Variants in DOCK2 observed in about 807,000 individuals in gnomAD.
The protein encoded by DOCK2 is dedicator of cytokinesis protein 2.
DOCK2 carries 87 observed loss-of-function variants against 248.9 expected under a neutral mutation model. The observed-to-expected ratio is 0.35, with a 90% CI of 0.29 to 0.42. The LOEUF (loss-of-function observed/expected upper bound fraction) is 0.42, where lower values mean the gene tolerates loss of function less well. Among genes scored for constraint, DOCK2 ranks in the 10% least tolerant of loss-of-function variants. The pLI is 1.00. For missense variants in DOCK2, 1,747 were observed against 2,300.2 expected (o/e 0.76, Z 4.92); for synonymous variants, 805 against 821.6 (o/e 0.98, Z 0.35).
At chr5:169,697,657 A>C (rs1357555459) in intron 10 of DOCK2, among the ~76,000 whole-genome samples, 1 of 152,072 alleles carries the variant, frequency 6.6e-6, no homozygotes, top group East Asian at 1.9e-4. Flanking sequence ...CTCTATCTAG[A>C]TGCAGTCAGT....
chr5:169,841,112 C>G (rs920247174), intron 27 of DOCK2, among the ~76,000 whole-genome samples: 2 of 152,156 alleles, frequency 1.3e-5, no homozygotes, highest in African/African-American at 4.8e-5. Flanking sequence ...ACTATCACTG[C>G]TGAAGACAGA....
intron 25 of DOCK2, among the ~76,000 whole-genome samples, chr5:169,793,052 T>C (rs1428139977): frequency 6.6e-6 from 1 of 152,188 alleles, no homozygotes; most frequent in Non-Finnish European, 1.5e-5. Context: ...TGATAGGCTA[T>C]CTCAGTGGCC....
intron 2 of DOCK2, among the ~76,000 whole-genome samples, chr5:169,656,040 G>A (rs1736886081): frequency 6.6e-6 from 1 of 152,212 alleles, no homozygotes; most frequent in Non-Finnish European, 1.5e-5. Flanking sequence ...TGGAGACGCT[G>A]TCCTAGAGAA....
chr5:169,910,530 C>G (rs1282004438), intron 27 of DOCK2, among the ~76,000 whole-genome samples: 2 of 151,640 alleles, frequency 1.3e-5, no homozygotes, highest in African/African-American at 4.8e-5. Flanking sequence ...CATGACTGAC[C>G]TGTTTTCAGC....
chr5:170,022,918 A>C (rs1755779012), intron 33 of DOCK2, among the ~76,000 whole-genome samples: 1 of 152,204 alleles, frequency 6.6e-6, no homozygotes, highest in Non-Finnish European at 1.5e-5. Context: ...CCACATCGGC[A>C]CAGGGAGGTG....
At chr5:169,929,328 A>G (rs541779210) in intron 27 of DOCK2, among the ~76,000 whole-genome samples, 31 of 152,184 alleles carry the variant, frequency 2.0e-4, no homozygotes, top group Non-Finnish European at 3.7e-4. Context: ...CACATGGGTA[A>G]GACTCAGACA....
intron 25 of DOCK2, among the ~76,000 whole-genome samples, chr5:169,772,707 A>G (rs1358168822): frequency 6.6e-6 from 1 of 152,226 alleles, no homozygotes; most frequent in African/African-American, 2.4e-5. Context: ...TCTTTTTCAC[A>G]TAATACCATT....
At chr5:170,062,128 T>TGTGTGTGTGTGTGA (rs778077276) in intron 44 of DOCK2, among the ~76,000 whole-genome samples, 31 of 137,908 alleles carry the variant, frequency 2.2e-4, no homozygotes, top group African/African-American at 8.7e-4. Flanking sequence ...TGTGTGTGTG[T>TGTGTGTGTGTGTGA]GAGAGAGAGA....
chr5:170,025,816 C>CTTCCTTCCTTCT lies in DOCK2; in HGVS notation c.3382-2036_3382-2035insTTTCCTTCCTTC, dbSNP rs1203655309. Among the ~76,000 whole-genome samples the CTTCCTTCCTTCT allele has an allele frequency of 7.9e-3, 820 of 103,826 alleles. 3 individuals are homozygous for CTTCCTTCCTTCT. The highest frequency in any genetic ancestry group is 0.044 in the Middle Eastern group (10 of 228). 68.1% of individuals were successfully genotyped at this position (103,826 alleles called of 152,430 possible). The stretch of plus-strand genomic sequence containing the variant: ...CCTTCCTTCCTTCCTTCCTTCCTTC[C>CTTCCTTCCTTCT]TTCCTTCCTTCCTTCCTTCCTTCCT... On this transcript the variant is annotated intron_variant, in intron 33 of 51. Coordinates refer to ENST00000520908, the MANE Select transcript of DOCK2 (RefSeq NM_004946.3).
chr5:169,963,665 C>T (rs889427404), intron 27 of DOCK2, among the ~76,000 whole-genome samples: 1 of 152,158 alleles, frequency 6.6e-6, no homozygotes, highest in African/African-American at 2.4e-5. Context: ...CACCCCCTCA[C>T]CCAGTCTTGG....
intron 27 of DOCK2, among the ~76,000 whole-genome samples, chr5:169,887,954 T>C (rs1198053891): frequency 6.6e-6 from 1 of 152,234 alleles, no homozygotes; most frequent in Non-Finnish European, 1.5e-5. Flanking sequence ...AGAAATTGTA[T>C]CTCATTATTC....
intron 35 of DOCK2, 43 bp downstream of exon 35, chr5:170,034,598 G>T (rs970068746): frequency 1.2e-6 from 2 of 1,608,108 alleles, no homozygotes; most frequent in African/African-American, 1.3e-5. Context: ...GAACCCTGTG[G>T]GGGGGCTTGG....
intron 22 of DOCK2, among the ~76,000 whole-genome samples, chr5:169,725,701 A>G (rs1762434332): frequency 1.4e-5 from 2 of 140,720 alleles, no homozygotes; most frequent in Non-Finnish European, 3.1e-5. Flanking sequence ...GTTCCCCACC[A>G]TGTGTCCATG....
At chr5:169,767,371 G>T (rs1433719286) in intron 25 of DOCK2, among the ~76,000 whole-genome samples, 2 of 152,168 alleles carry the variant, frequency 1.3e-5, no homozygotes, top group African/African-American at 4.8e-5. Flanking sequence ...TGCTTTTGCT[G>T]TTTAGTTTAA....
intron 27 of DOCK2, among the ~76,000 whole-genome samples, chr5:169,870,262 G>C (rs982997398): frequency 4.6e-5 from 7 of 152,174 alleles, no homozygotes; most frequent in African/African-American, 1.7e-4. Flanking sequence ...CACTAATCTG[G>C]CTTACAGATC....
rs777954177 is a variant in DOCK2 at position 170,042,024 on chromosome 5, G to A, written c.3768G>A (p.Glu1256=). ...LHTWLLKWSD[E]QCASQVMQTG... ...TCTTCTCTTCACAGTGGTCGGATGAGCAGTGTGCATCACAGGTCATGCAGA... is the reference window on the plus strand; with the variant it reads ...TCTTCTCTTCACAGTGGTCGGATGAACAGTGTGCATCACAGGTCATGCAGA... The change falls in exon 38 of 52, where the codon GAG becomes GAA. Residue 1256 remains glutamate, a synonymous_variant. Transcript: ENST00000520908. 6 of 1,613,508 alleles carry A rather than the reference G, an allele frequency of 3.7e-6. No homozygotes were observed. In the Admixed American group the frequency reaches 6.7e-5, roughly 18 times the overall value.
chr5:169,997,442 G>T (rs1314404534), intron 30 of DOCK2, among the ~76,000 whole-genome samples: 5 of 146,308 alleles, frequency 3.4e-5, no homozygotes, highest in African/African-American at 1.3e-4. Context: ...CGGGCTGGGG[G>T]ACGGTCAGGT....
intron 44 of DOCK2, 37 bp downstream of exon 44, chr5:170,057,703 T>C: frequency 6.4e-7 from 1 of 1,553,432 alleles, no homozygotes; most frequent in Non-Finnish European, 8.7e-7. Context: ...CCACCCTTCC[T>C]CCGATGGGCA....
intron 27 of DOCK2, among the ~76,000 whole-genome samples, chr5:169,904,497 G>C (rs1424315297): frequency 3.3e-5 from 5 of 152,168 alleles, no homozygotes; most frequent in Non-Finnish European, 7.4e-5. Flanking sequence ...GGTGCAGACA[G>C]GCAGGGGAGG....
Sources: allele counts gnomAD v4.1 joint callset (sites outside exome capture counted in the v4.1 genomes callset), GRCh38; gene constraint gnomAD v4.1.1; transcripts MANE v1.5; gene names NCBI Gene and HGNC (gene_info 2026-07-23, HGNC 2026-07-21).